The following GNG3 variants were observed in gnomAD, a reference collection of about 807,000 sequenced individuals.
GNG3 encodes G protein subunit gamma 3.
Under a neutral mutation model 5.6 loss-of-function variants are expected in GNG3, and 4 were observed. The observed-to-expected ratio is 0.71, with a 90% CI of 0.35 to 1.63. The LOEUF (loss-of-function observed/expected upper bound fraction) is 1.63, where lower values mean the gene tolerates loss of function less well. GNG3 is among the 40% of genes most tolerant of loss of function. The pLI, the probability that GNG3 is intolerant of heterozygous loss-of-function variation, is 0.05. For synonymous variants in GNG3, 30 were observed against 33.5 expected, an observed-to-expected ratio of 0.89 and a Z score of 0.36; for missense variants, 62 against 96.6, an observed-to-expected ratio of 0.64 and a Z score of 1.50.
Position 62,708,877 on chromosome 11 carries a change from G to A in GNG3, c.*71G>A, listed in dbSNP as rs1482948400. On this transcript the variant is annotated 3_prime_UTR_variant, in exon 3 of 3. Coordinates refer to ENST00000294117, the MANE Select transcript of GNG3 (RefSeq NM_012202.5). ...GCCCTTCCTTAGGTCAGTAATTGTT[G>A]TGAGCCCCTTAGGCTCCTTGCATCC... 1.6e-6 allele frequency: 2 copies of A among 1,220,324 alleles called. No individual in the cohort carries two copies. The highest frequency in any genetic ancestry group is 2.4e-6 in the Non-Finnish European group (2 of 834,078). 75.6% of individuals were successfully genotyped at this position (1,220,324 alleles called of 1,614,324 possible).
At chr11:62,707,104 C>T, upstream of GNG3, 2 of 1,552,866 alleles carry the variant, frequency 1.3e-6, no homozygotes, top group Non-Finnish European at 1.7e-6. Context: ...CACAAGGGCC[C>T]CTACCTCCTC....
chr11:62,708,982 T>A lies in GNG3; in HGVS notation c.*176T>A, dbSNP rs369955613. 3 of 623,024 alleles carry A rather than the reference T, an allele frequency of 4.8e-6. No individual in the cohort carries two copies. In the South Asian group the frequency reaches 5.4e-5, roughly 11 times the overall value. The allele number at this position is 623,024 out of a possible 1,614,324, so 38.6% of individuals were successfully genotyped here. On this transcript the variant is annotated 3_prime_UTR_variant, in exon 3 of 3. Transcript: ENST00000294117. ...TCACCTATCTGTCGACCCCATTTCCTACCACCTTTGTGGCCGACCCCAAGC... is the reference window on the plus strand; with the variant it reads ...TCACCTATCTGTCGACCCCATTTCCAACCACCTTTGTGGCCGACCCCAAGC...
chr11:62,706,989 G>A (rs2083550921), upstream of GNG3: 1 of 862,988 alleles, frequency 1.2e-6, no homozygotes, highest in African/African-American at 1.7e-5. Flanking sequence ...CTGCGGGCGT[G>A]GGAAGTAATC....
upstream of GNG3, chr11:62,707,062 C>T (rs1343130678): frequency 3.3e-6 from 5 of 1,505,986 alleles, no homozygotes; most frequent in Middle Eastern, 1.7e-4. Flanking sequence ...CGCCAGCCCA[C>T]CTATTTCCAG....
upstream of GNG3, chr11:62,707,327 G>T: frequency 1.2e-6 from 1 of 849,930 alleles, no homozygotes; most frequent in Non-Finnish European, 1.9e-6. Flanking sequence ...GAGGGTCCCT[G>T]GGAGAGAAAC....
Position 62,708,340 on chromosome 11 carries a change from A to C in GNG3, c.45A>C (p.Gln15His). 6.2e-7 allele frequency: 1 copy of C among 1,613,988 alleles called. No homozygotes were observed. The highest frequency in any genetic ancestry group is 8.5e-7 in the Non-Finnish European group (1 of 1,179,814). The change falls in exon 2 of 3, where the codon CAA becomes CAC. Residue 15 changes from glutamine (Q) to histidine (H), a missense_variant. Coordinates refer to ENST00000294117, the MANE Select transcript of GNG3 (RefSeq NM_012202.5). ...TPVNSTMSIGQARKMVEQLKI... is the reference protein window; with the variant it reads ...TPVNSTMSIGHARKMVEQLKI... ...TGAACAGCACTATGAGTATTGGGCA[A>C]GCACGCAAGATGGTGGAACAGCTTA...
upstream of GNG3, chr11:62,707,118 G>C (rs1166256164): frequency 8.4e-6 from 13 of 1,553,490 alleles, no homozygotes; most frequent in South Asian, 1.2e-4. Flanking sequence ...CCTCCTCTTT[G>C]TCCGGTCCTT....
chr11:62,707,203 AC>A, upstream of GNG3: 1 of 1,551,830 alleles, frequency 6.4e-7, no homozygotes. Context: ...CATCTTCCTG[AC>A]GAGCCTCTGT....
chr11:62,709,101 TCAGA>T lies in GNG3; in HGVS notation c.*298_*301del, dbSNP rs1350405628. On this transcript the variant is annotated 3_prime_UTR_variant, in exon 3 of 3. Coordinates refer to ENST00000294117, the MANE Select transcript of GNG3 (RefSeq NM_012202.5). ...CTGCCCGCTTCCCTCGGTGACCTGCTCAGACAATGGAGAGGGATGGGCCAGGTTC... is the reference window on the plus strand; with the variant it reads ...CTGCCCGCTTCCCTCGGTGACCTGCTCAATGGAGAGGGATGGGCCAGGTTC... 6.2e-6 allele frequency: 3 copies of T among 482,058 alleles called. No individual in the cohort carries two copies. The highest frequency in any genetic ancestry group is 2.0e-5 in the African/African-American group (1 of 51,262). 29.9% of individuals were successfully genotyped at this position (482,058 alleles called of 1,614,324 possible). A position where few individuals can be genotyped will look rare whatever the true frequency, so the allele number is the denominator to read the frequency against.
chr11:62,708,659 C>T lies in GNG3; in HGVS notation c.100-19C>T, dbSNP rs374221255. On this transcript the variant is annotated intron_variant, in intron 2 of 2. Transcript: ENST00000294117. ...TTCAGAGGTCCTGGCTAACAATACC[C>T]TTCCTGGCTGTGTCCCAGGTGTCCA... 7 of 1,613,294 alleles carry T rather than the reference C, an allele frequency of 4.3e-6. No homozygotes were observed. The Middle Eastern group carries it at 6.6e-4, about 152-fold the overall frequency.
upstream of GNG3, chr11:62,706,974 C>T (rs1473435273): frequency 6.5e-6 from 5 of 768,696 alleles, no homozygotes; most frequent in African/African-American, 7.0e-5. Flanking sequence ...CATCTTTGCA[C>T]ACTGCTGCGG....
rs753275346 is a variant in GNG3, at chr11:62,708,419, C to G, written c.99+25C>G. ...GGTAGGTGGGACCCTGGCTGGCTCCCATTAGTTGGCCAGGCTGTGCTGTGC... is the reference window on the plus strand; with the variant it reads ...GGTAGGTGGGACCCTGGCTGGCTCCGATTAGTTGGCCAGGCTGTGCTGTGC... On this transcript the variant is annotated intron_variant, in intron 2 of 2. Transcript: ENST00000294117. 4.6e-6 allele frequency: 7 copies of G among 1,510,256 alleles called. No individual in the cohort carries two copies. The Admixed American group carries it at 1.2e-4, about 25-fold the overall frequency. The allele number at this position is 1,510,256 out of a possible 1,614,324, so 93.6% of individuals were successfully genotyped here.
chr11:62,709,025 C>T lies in GNG3; in HGVS notation c.*219C>T. 1 of 545,078 alleles carries T rather than the reference C, an allele frequency of 1.8e-6. No homozygotes were observed. Among genetic ancestry groups the T allele is most frequent in the South Asian group, 1.9e-5 (1 of 52,240 alleles). 33.8% of individuals were successfully genotyped at this position (545,078 alleles called of 1,614,324 possible). On this transcript the variant is annotated 3_prime_UTR_variant, in exon 3 of 3. Coordinates refer to ENST00000294117, the MANE Select transcript of GNG3 (RefSeq NM_012202.5). ...CCCCAAGCACCCCAGAGATATGAGGCACCCTTTGCTCCACCCACAGCAGGG... is the reference window on the plus strand; with the variant it reads ...CCCCAAGCACCCCAGAGATATGAGGTACCCTTTGCTCCACCCACAGCAGGG...
rs1228612898 is a variant in GNG3, at chr11:62,708,304, T to A, written c.9T>A (p.Gly3=). 10 of 1,610,544 alleles carry A rather than the reference T, an allele frequency of 6.2e-6. No homozygotes were observed. Among genetic ancestry groups the A allele is most frequent in the Non-Finnish European group, 8.5e-6 (10 of 1,176,762 alleles). Residue 3 remains glycine, a synonymous_variant, in exon 2 of 3, where the codon GGT becomes GGA. Coordinates refer to ENST00000294117, the MANE Select transcript of GNG3 (RefSeq NM_012202.5). MK[G]ETPVNSTMSI... is the part of the protein sequence containing the mutation. Reference sequence around the variant, plus strand: ...TCCCTCTTTTTTCCAGGATGAAAGGTGAGACCCCGGTGAACAGCACTATGA... The same window carrying A: ...TCCCTCTTTTTTCCAGGATGAAAGGAGAGACCCCGGTGAACAGCACTATGA...
At chr11:62,708,610 T>C (rs943278040) in intron 2 of GNG3, 68 bp from the exon 3 acceptor site, 7 of 1,594,184 alleles carry the variant, frequency 4.4e-6, no homozygotes, top group Middle Eastern at 1.7e-4. Context: ...GAGAACCCAT[T>C]TGGGGAGGGA....
chr11:62,707,158 C>G, upstream of GNG3: 3 of 1,554,496 alleles, frequency 1.9e-6, no homozygotes, highest in Non-Finnish European at 2.6e-6. Context: ...CTCTTTTTCC[C>G]CAGCTTCCTC....
Position 62,709,027 on chromosome 11 carries a change from C to T in GNG3, c.*221C>T. On this transcript the variant is annotated 3_prime_UTR_variant, in exon 3 of 3. Transcript: ENST00000294117. ...CCAAGCACCCCAGAGATATGAGGCA[C>T]CCTTTGCTCCACCCACAGCAGGGCC... 1 of 542,248 alleles carries T rather than the reference C, an allele frequency of 1.8e-6. No homozygotes were observed. The highest frequency in any genetic ancestry group is 1.9e-5 in the South Asian group (1 of 52,446). The allele number at this position is 542,248 out of a possible 1,614,324, so 33.6% of individuals were successfully genotyped here.
Position 62,708,309 on chromosome 11 carries a change from C to T in GNG3, c.14C>T (p.Thr5Ile). 1 of 1,611,056 alleles carries T rather than the reference C, an allele frequency of 6.2e-7. No homozygotes were observed. The highest frequency in any genetic ancestry group is 8.5e-7 in the Non-Finnish European group (1 of 1,177,204). The change falls in exon 2 of 3, where the codon ACC (threonine) becomes ATC (isoleucine). Residue 5 changes from threonine to isoleucine, a missense_variant. By Grantham distance (89) the Thr-to-Ile change is moderately conservative (BLOSUM62 -1). Coordinates refer to ENST00000294117, the MANE Select transcript of GNG3 (RefSeq NM_012202.5). ...CTTTTTTCCAGGATGAAAGGTGAGA[C>T]CCCGGTGAACAGCACTATGAGTATT... MKGE[T>I]PVNSTMSIGQ...
chr11:62,707,035 T>TC (rs965111219), upstream of GNG3: 4 of 1,295,556 alleles, frequency 3.1e-6, no homozygotes, highest in Admixed American at 8.4e-5. Flanking sequence ...AACCAATCCA[T>TC]CCCCCCGCCC....
Sources: allele counts gnomAD v4.1 joint callset, GRCh38; gene constraint gnomAD v4.1.1; transcripts MANE v1.5; gene names NCBI Gene and HGNC (gene_info 2026-07-23, HGNC 2026-07-21).